The following CRACR2A variants were observed in gnomAD, a reference collection of about 807,000 sequenced individuals.
CRACR2A encodes EF-hand calcium-binding domain-containing protein 4B.
CRACR2A carries 79 observed loss-of-function variants against 90.5 expected under a neutral mutation model. The ratio of observed to expected loss-of-function variants is 0.87; its 90% CI spans 0.73 to 1.05. The LOEUF is 1.05. Among genes scored for constraint, CRACR2A ranks in the 50% least tolerant of loss-of-function variants. CRACR2A has a pLI of 0.00. For synonymous variants in CRACR2A, 338 were observed against 356.7 expected, an observed-to-expected ratio of 0.95 and a Z score of 0.59; for missense variants, 823 against 897.2, an observed-to-expected ratio of 0.92 and a Z score of 1.06.
chr12:3,636,894 G>T (rs1437272850), intron 14 of CRACR2A, among the ~76,000 whole-genome samples: 1 of 152,042 alleles, frequency 6.6e-6, no homozygotes, highest in Non-Finnish European at 1.5e-5. Context: ...CAGCCACTGG[G>T]AAAAGTTCAA....
intron 3 of CRACR2A, among the ~76,000 whole-genome samples, chr12:3,704,944 A>G (rs1945893050): frequency 6.6e-6 from 1 of 152,224 alleles, no homozygotes; most frequent in Non-Finnish European, 1.5e-5. Context: ...AGACCAGTGG[A>G]AAACAAAACA....
At position 3,644,604 on chromosome 12, in the gene CRACR2A, T is replaced by C. The variant is rs1944652460; in HGVS notation, c.1155A>G (p.Ile385Met). ...RNKHLRDERD[I>M]CFQKNKAAKA... is the part of the protein sequence containing the mutation. ...AGAACTGGCCAATTACCTGAAAACA[T>C]ATGTCCCGTTCATCCCGAAGGTGCT... The change falls in exon 12 of 20, where the codon ATA becomes ATG. Residue 385 changes from isoleucine (I) to methionine (M), a missense_variant. Ile to Met is a conservative substitution (Grantham distance 10, BLOSUM62 1). Coordinates refer to ENST00000440314, the MANE Select transcript of CRACR2A (RefSeq NM_001144958.2). The C allele has an allele frequency of 6.4e-7, 1 of 1,551,510 alleles. No individual in the cohort carries two copies. Among genetic ancestry groups the C allele is most frequent in the African/African-American group, 1.4e-5 (1 of 73,156 alleles).
At chr12:3,624,277 T>A (rs1390751531) in intron 17 of CRACR2A, among the ~76,000 whole-genome samples, 2 of 152,176 alleles carry the variant, frequency 1.3e-5, no homozygotes, top group South Asian at 2.1e-4. Flanking sequence ...TTGAAGACTG[T>A]TATTAAAGCT....
chr12:3,739,418 G>A (rs188979345), intron 1 of CRACR2A, among the ~76,000 whole-genome samples: 3 of 152,294 alleles, frequency 2.0e-5, no homozygotes, highest in African/African-American at 4.8e-5. Context: ...TATCTGGAAG[G>A]TGTAAAGTAA....
chr12:3,643,874 A>ATATT, intron 12 of CRACR2A, among the ~76,000 whole-genome samples: 1 of 55,728 alleles, frequency 1.8e-5, no homozygotes, highest in Admixed American at 4.1e-4. Flanking sequence ...TATATATTAT[A>ATATT]TATATTTATA....
intron 6 of CRACR2A, among the ~76,000 whole-genome samples, chr12:3,676,534 C>T (rs1055970529): frequency 2.0e-5 from 3 of 147,432 alleles, no homozygotes; most frequent in African/African-American, 5.1e-5. Flanking sequence ...AGAGCCCTCA[C>T]GAATGGCACT....
At chr12:3,660,884 A>G (rs1282340879) in intron 7 of CRACR2A, among the ~76,000 whole-genome samples, 10 of 108,940 alleles carry the variant, frequency 9.2e-5, no homozygotes, top group Non-Finnish European at 3.7e-5. Context: ...ACACACACAC[A>G]CACAATTTTG....
intron 13 of CRACR2A, chr12:3,640,764 A>G (rs368029289): frequency 1.3e-4 from 175 of 1,305,260 alleles, no homozygotes; most frequent in African/African-American, 5.6e-4. Flanking sequence ...GGATGCCTCT[A>G]TCTCTCTGTG....
intron 4 of CRACR2A, among the ~76,000 whole-genome samples, chr12:3,692,233 G>A (rs2137676531): frequency 6.6e-6 from 1 of 152,304 alleles, no homozygotes; most frequent in East Asian, 1.9e-4. Flanking sequence ...AGTTGTCAGA[G>A]TTCTTGCACT....
Position 3,617,049 on chromosome 12 carries a change from G to A in CRACR2A, c.2035-19C>T. On this transcript the variant is annotated intron_variant, in intron 18 of 19. Coordinates refer to ENST00000440314, the MANE Select transcript of CRACR2A (RefSeq NM_001144958.2). ...TGTTCTCCTAGAATCATAAAACAGA[G>A]CGAATACAAGAGTATTGGAGTGAGA... 2 of 1,540,188 alleles carry A rather than the reference G, an allele frequency of 1.3e-6. No individual in the cohort carries two copies. The highest frequency in any genetic ancestry group is 2.4e-5 in the South Asian group (2 of 83,818).
chr12:3,720,576 G>T (rs570605337), intron 2 of CRACR2A, among the ~76,000 whole-genome samples: 42 of 152,350 alleles, frequency 2.8e-4, no homozygotes, highest in Non-Finnish European at 4.7e-4. Context: ...GTTTTCTACT[G>T]TGTTAATCCC....
chr12:3,665,015 A>T (rs1945103747), intron 7 of CRACR2A, among the ~76,000 whole-genome samples: 1 of 152,240 alleles, frequency 6.6e-6, no homozygotes, highest in South Asian at 2.1e-4. Flanking sequence ...TCAAAAACAA[A>T]CAAACACTTC....
chr12:3,684,863 C>T (rs1668562097), intron 4 of CRACR2A, among the ~76,000 whole-genome samples: 1 of 152,148 alleles, frequency 6.6e-6, no homozygotes, highest in African/African-American at 2.4e-5. Context: ...GGACACATGC[C>T]CAAAGAAAGA....
At position 3,627,673 on chromosome 12, in the gene CRACR2A, T is replaced by C. The variant is rs371013360; in HGVS notation, c.1769A>G (p.Asp590Gly). The C allele has an allele frequency of 6.4e-7, 1 of 1,551,624 alleles. No individual in the cohort carries two copies. The change falls in exon 16 of 20, where the codon GAC (aspartate) becomes GGC (glycine). Residue 590 changes from aspartate to glycine, a missense_variant. Transcript: ENST00000440314. ...IDYRVKTLNV[D>G]NSQVALQLWD... ...CAGCTGCAGGGCCACCTGAGAGTTG[T>C]CCACATTCAACGTCTTCACACGGTA...
At chr12:3,692,717 G>C (rs1945670715) in intron 4 of CRACR2A, among the ~76,000 whole-genome samples, 1 of 152,142 alleles carries the variant, frequency 6.6e-6, no homozygotes, top group African/African-American at 2.4e-5. Flanking sequence ...TAGAGTGCCT[G>C]CCTCTGTGTG....
At position 3,654,196 on chromosome 12, in the gene CRACR2A, C is replaced by A. The variant is rs755900628; in HGVS notation, c.1046+16G>T. 1.2e-6 allele frequency: 2 copies of A among 1,608,136 alleles called. No homozygotes were observed. The highest frequency in any genetic ancestry group is 8.5e-7 in the Non-Finnish European group (1 of 1,178,606). On this transcript the variant is annotated intron_variant, in intron 10 of 19. Coordinates refer to ENST00000440314, the MANE Select transcript of CRACR2A (RefSeq NM_001144958.2). ...TGCGGGAAGACAGCAGAGGAGTGGA[C>A]AAAGGCTGGACTCACATCTCCTTCT... is the stretch of plus-strand genomic sequence containing the variant.
At chr12:3,719,384 T>C (rs562210753) in intron 2 of CRACR2A, among the ~76,000 whole-genome samples, 1 of 152,342 alleles carries the variant, frequency 6.6e-6, no homozygotes, top group South Asian at 2.1e-4. Flanking sequence ...CACCAGATCC[T>C]GTCCATTTCA....
At chr12:3,679,345 G>T (rs66462337) in intron 5 of CRACR2A, among the ~76,000 whole-genome samples, 14,503 of 152,260 alleles carry the variant, frequency 0.095, 784 homozygotes, top group African/African-American at 0.12. Context: ...GACGGATACG[G>T]TGTCTCCTTT....
intron 4 of CRACR2A, among the ~76,000 whole-genome samples, chr12:3,686,803 T>G (rs951053269): frequency 6.6e-6 from 1 of 152,188 alleles, no homozygotes; most frequent in African/African-American, 2.4e-5. Context: ...TGAGGAGTCA[T>G]AAGGGAGGCT....
Sources: gnomAD v4.1 joint callset for allele counts (sites outside exome capture counted in the v4.1 genomes callset) on GRCh38, gnomAD v4.1.1 for gene constraint, MANE v1.5 for transcripts, NCBI Gene and HGNC (gene_info 2026-07-23, HGNC 2026-07-21) for gene names.